DDAH1: variants seen among roughly 807,000 people sequenced by gnomAD.
The protein encoded by DDAH1 is N(G),N(G)-dimethylarginine dimethylaminohydrolase 1.
DDAH1 carries 19 observed loss-of-function variants against 28.8 expected under a neutral mutation model. The ratio of observed to expected loss-of-function variants is 0.66; its 90% confidence interval spans 0.46 to 0.97. The LOEUF is 0.97. Among genes scored for constraint, DDAH1 ranks in the 50% least tolerant of loss-of-function variants. The pLI is 0.00. For synonymous variants in DDAH1, 153 were observed against 154.4 expected, an observed-to-expected ratio of 0.99 and a Z score of 0.07; for missense variants, 326 against 375.9, an observed-to-expected ratio of 0.87 and a Z score of 1.10.
chr1:85,409,792 A>C (rs1652563670), intron 1 of DDAH1, among the ~76,000 whole-genome samples: 1 of 152,168 alleles, frequency 6.6e-6, no homozygotes, highest in South Asian at 2.1e-4. Flanking sequence ...GAAATTGTAC[A>C]TATTAGTTAA....
In DDAH1 at chr1:85,471,124, G is replaced by A. The variant is rs150612764; in HGVS notation, c.-7+25042C>T. ...TACAGGAGACTGGAGGACAAGAGGG[G>A]ACAGAGATTGGGGTATTTATTTCTC... is the stretch of plus-strand genomic sequence containing the variant. On this transcript the variant is annotated intron_variant, in intron 2 of 6. Transcript: ENST00000426972. 5.9e-3 allele frequency among the ~76,000 whole-genome samples: 900 copies of A among 152,316 alleles called. 7 individuals carry two copies. The highest frequency in any genetic ancestry group is 0.021 in the African/African-American group (857 of 41,560).
At chr1:85,403,739 C>T (rs1247567032) in intron 1 of DDAH1, among the ~76,000 whole-genome samples, 1 of 152,042 alleles carries the variant, frequency 6.6e-6, no homozygotes, top group Non-Finnish European at 1.5e-5. Context: ...TATTTTCCCC[C>T]AAAACTGAAT....
intron 1 of DDAH1, among the ~76,000 whole-genome samples, chr1:85,546,018 C>T (rs1658612353): frequency 6.6e-6 from 1 of 152,138 alleles, no homozygotes; most frequent in African/African-American, 2.4e-5. Flanking sequence ...TAGTCCCAAA[C>T]TTCTGCGGTG....
At chr1:85,523,919 AAG>A (rs1657773629) in intron 1 of DDAH1, among the ~76,000 whole-genome samples, 1 of 152,100 alleles carries the variant, frequency 6.6e-6, no homozygotes, top group African/African-American at 2.4e-5. Context: ...AGCCTTTCAA[AAG>A]AGTTAGCAAT....
intron 1 of DDAH1, among the ~76,000 whole-genome samples, chr1:85,540,631 G>A (rs1197013235): frequency 6.6e-6 from 1 of 152,042 alleles, no homozygotes; most frequent in Non-Finnish European, 1.5e-5. Context: ...ATAAAGCCCA[G>A]CAACTTCTTG....
At chr1:85,442,842 T>G (rs1654264096) in intron 1 of DDAH1, among the ~76,000 whole-genome samples, 1 of 152,270 alleles carries the variant, frequency 6.6e-6, no homozygotes, top group Non-Finnish European at 1.5e-5. Flanking sequence ...GAGAAGAATC[T>G]GCTCATATCC....
At chr1:85,385,159 G>T (rs955459640) in intron 1 of DDAH1, among the ~76,000 whole-genome samples, 2 of 152,152 alleles carry the variant, frequency 1.3e-5, no homozygotes, top group African/African-American at 4.8e-5. Context: ...AAGCTTTTGA[G>T]TAAGACAGAC....
intron 1 of DDAH1, among the ~76,000 whole-genome samples, chr1:85,538,271 G>T (rs1251303836): frequency 6.6e-6 from 1 of 152,196 alleles, no homozygotes; most frequent in African/African-American, 2.4e-5. Flanking sequence ...GAATGGTATG[G>T]TATGGAAAGA....
At chr1:85,416,289 G>C (rs949695790) in intron 1 of DDAH1, among the ~76,000 whole-genome samples, 1 of 151,580 alleles carries the variant, frequency 6.6e-6, no homozygotes, top group Non-Finnish European at 1.5e-5. Flanking sequence ...TCTCACTCCC[G>C]GGTTCAAGCG....
At chr1:85,491,620 T>C (rs1232195378) in intron 2 of DDAH1, among the ~76,000 whole-genome samples, 1 of 152,212 alleles carries the variant, frequency 6.6e-6, no homozygotes, top group Non-Finnish European at 1.5e-5. Context: ...GTCCACATTC[T>C]GTGTTTGGGT....
intron 2 of DDAH1, among the ~76,000 whole-genome samples, chr1:85,473,039 T>G (rs938310707): frequency 2.6e-5 from 4 of 152,238 alleles, no homozygotes; most frequent in African/African-American, 9.6e-5. Context: ...TCCATGTTGT[T>G]GCAAAGGAAA....
Position 85,338,611 on chromosome 1 carries a change from C to T in DDAH1, c.597+11804G>A, listed in dbSNP as rs75596144. On this transcript the variant is annotated intron_variant, in intron 4 of 5. Transcript: ENST00000284031. ...GTATGGATTACCTGCATCAGAATCA[C>T]GCCATGGTTCCCAGTCTTGCTGAAT... Among the ~76,000 whole-genome samples the T allele has an allele frequency of 4.0e-3, 610 of 152,306 alleles. 4 individuals carry two copies. Among genetic ancestry groups the T allele is most frequent in the African/African-American group, 0.014 (576 of 41,568 alleles).
chr1:85,569,787 T>C (rs1014312009), intron 1 of DDAH1, among the ~76,000 whole-genome samples: 2 of 152,166 alleles, frequency 1.3e-5, no homozygotes, highest in Admixed American at 6.5e-5. Flanking sequence ...GAAAGAAAGG[T>C]GGAGGGAGTC....
intron 1 of DDAH1, among the ~76,000 whole-genome samples, chr1:85,521,046 G>A (rs669297): frequency 0.99 from 150,089 of 152,256 alleles, 74,018 homozygotes; most frequent in Middle Eastern, 1. Flanking sequence ...CCAGGGCCAG[G>A]TACAGTTATT....
At chr1:85,444,678 C>T (rs1038521912) in intron 1 of DDAH1, among the ~76,000 whole-genome samples, 3 of 152,174 alleles carry the variant, frequency 2.0e-5, no homozygotes, top group South Asian at 2.1e-4. Context: ...TGAGCGCCTA[C>T]TGTGTGCTCC....
At chr1:85,482,194 T>G (rs185449139) in intron 2 of DDAH1, 1 of 152,344 alleles carries the variant, frequency 6.6e-6, no homozygotes, top group African/African-American at 2.4e-5. Context: ...GTTTTCCCAC[T>G]TTCTTGATCA....
At chr1:85,382,332 C>T (rs953315170) in intron 1 of DDAH1, among the ~76,000 whole-genome samples, 7 of 152,092 alleles carry the variant, frequency 4.6e-5, no homozygotes, top group Admixed American at 4.6e-4. Flanking sequence ...CAGAGCAAGG[C>T]CCCAACTCTC....
Position 85,356,228 on chromosome 1 carries a change from A to G in DDAH1, c.403+2520T>C, listed in dbSNP as rs148232747. The stretch of plus-strand genomic sequence containing the variant: ...ATTTCACAAAAATAAATAAAAGTAG[A>G]GGTAAGTTGCTGTCTATTTAAGAGA... On this transcript the variant is annotated intron_variant, in intron 2 of 5. Transcript: ENST00000284031. Among the ~76,000 whole-genome samples, 448 of 152,354 alleles carry G rather than the reference A, an allele frequency of 2.9e-3. 2 individuals are homozygous for G. Among genetic ancestry groups the G allele is most frequent in the Non-Finnish European group, 3.9e-3 (263 of 68,032 alleles).
chr1:85,431,019 G>C (rs577497888), intron 1 of DDAH1, among the ~76,000 whole-genome samples: 1 of 152,240 alleles, frequency 6.6e-6, no homozygotes, highest in South Asian at 2.1e-4. Context: ...TGTGATATTG[G>C]CTGTGGGTCT....
Sources: gnomAD v4.1 joint callset for allele counts (sites outside exome capture counted in the v4.1 genomes callset) on GRCh38, gnomAD v4.1.1 for gene constraint, MANE v1.5 for transcripts, NCBI Gene and HGNC (gene_info 2026-07-23, HGNC 2026-07-21) for gene names.